DNAJC24: variants seen among roughly 807,000 people sequenced by gnomAD.
DNAJC24 encodes the protein dnaJ homolog subfamily C member 24.
A neutral mutation model predicts 18.0 loss-of-function variants in DNAJC24; 17 were observed. The ratio of observed to expected loss-of-function variants is 0.94; its 90% CI spans 0.65 to 1.42. DNAJC24 has a LOEUF of 1.42. Among genes scored for constraint, DNAJC24 ranks in the 40% most tolerant of loss-of-function variants. The probability of loss-of-function intolerance (pLI) is 0.00; values close to 1 mark genes in which losing one functional copy is unlikely to be tolerated. For synonymous variants in DNAJC24, 55 were observed against 57.7 expected (o/e 0.95, Z 0.21); for missense variants, 158 against 175.6 (o/e 0.90, Z 0.57).
At chr11:31,387,861 A>G (rs1952445068) in intron 2 of DNAJC24, among the ~76,000 whole-genome samples, 1 of 152,204 alleles carries the variant, frequency 6.6e-6, no homozygotes, top group Non-Finnish European at 1.5e-5. Flanking sequence ...AATTTAAGAT[A>G]ACGCAGAGAA....
chr11:31,391,279 C>CT (rs929426040), intron 2 of DNAJC24, among the ~76,000 whole-genome samples: 1 of 152,096 alleles, frequency 6.6e-6, no homozygotes, highest in Non-Finnish European at 1.5e-5. Flanking sequence ...AGGCTTTCCT[C>CT]TAAGATCTGG....
Position 31,430,306 on chromosome 11 carries a change from G to A in DNAJC24, c.355G>A (p.Gly119Arg), listed in dbSNP as rs1437519130. The part of the protein sequence containing the change: ...HSFYLSCRCG[G>R]KYSVSKDEAE... ...TTTTTATCTGAGTTGCAGATGTGGTGGAAAATACAGTGTTTCCAAGGATGA... is the reference window on the plus strand; with the variant it reads ...TTTTTATCTGAGTTGCAGATGTGGTAGAAAATACAGTGTTTCCAAGGATGA... Residue 119 changes from glycine to arginine, a missense_variant, in exon 5 of 5, where the codon GGA becomes AGA. Physicochemically the swap from Gly to Arg is moderately radical, Grantham distance 125 (BLOSUM62 -2). Transcript: ENST00000465995. 2 of 1,610,116 alleles carry A rather than the reference G, an allele frequency of 1.2e-6. No homozygotes were observed. The highest frequency in any genetic ancestry group is 1.1e-5 in the South Asian group (1 of 90,634).
At chr11:31,392,843 T>G (rs1952511076) in intron 2 of DNAJC24, among the ~76,000 whole-genome samples, 2 of 151,832 alleles carry the variant, frequency 1.3e-5, no homozygotes, top group Admixed American at 1.3e-4. Flanking sequence ...CCGACGGGGT[T>G]TCACCATGTC....
chr11:31,399,450 C>T (rs1439063613), intron 2 of DNAJC24, among the ~76,000 whole-genome samples: 11 of 148,876 alleles, frequency 7.4e-5, no homozygotes, highest in African/African-American at 9.9e-5. Flanking sequence ...AGTCTCGCTC[C>T]GTCACCCAGG....
At position 31,391,415 on chromosome 11, in the gene DNAJC24, GA is replaced by G. The variant is rs1231790666; in HGVS notation, c.111+20562del. Among the ~76,000 whole-genome samples, 4 of 152,070 alleles carry G rather than the reference GA, an allele frequency of 2.6e-5. No individual in the cohort carries two copies. In the East Asian group the frequency reaches 7.7e-4, roughly 29 times the overall value. ...ATGTATAAGGAGCTTAAACAATAGG[GA>G]AAAAATGTGATTTTAAAATGGGCAA... On this transcript the variant is annotated intron_variant, in intron 2 of 4. Coordinates refer to ENST00000465995, the MANE Select transcript of DNAJC24 (RefSeq NM_181706.5).
chr11:31,430,141 A>T, intron 4 of DNAJC24, 130 bp from the exon 5 acceptor site: 1 of 773,176 alleles, frequency 1.3e-6, no homozygotes, highest in Non-Finnish European at 1.9e-6. Context: ...TCCTTTAAAT[A>T]CATTTTATCT....
chr11:31,405,298 G>C (rs983272679), intron 2 of DNAJC24, among the ~76,000 whole-genome samples: 2 of 151,606 alleles, frequency 1.3e-5, no homozygotes, highest in Admixed American at 6.6e-5. Flanking sequence ...TCGAACTCCT[G>C]ACCTCAGGTG....
intron 2 of DNAJC24, among the ~76,000 whole-genome samples, chr11:31,405,782 T>A (rs989763282): frequency 1.3e-5 from 2 of 152,072 alleles, no homozygotes; most frequent in African/African-American, 2.4e-5. Flanking sequence ...TGAAAAAAAA[T>A]TTATTGGCTC....
At chr11:31,389,729 G>A (rs1487239282) in intron 2 of DNAJC24, among the ~76,000 whole-genome samples, 3 of 152,180 alleles carry the variant, frequency 2.0e-5, no homozygotes, top group Non-Finnish European at 4.4e-5. Flanking sequence ...ATCAGCACAT[G>A]TATCATTCTC....
At chr11:31,405,300 C>T (rs1952646180) in intron 2 of DNAJC24, among the ~76,000 whole-genome samples, 1 of 151,684 alleles carries the variant, frequency 6.6e-6, no homozygotes, top group African/African-American at 2.4e-5. Flanking sequence ...GAACTCCTGA[C>T]CTCAGGTGAT....
rs186413314 is a variant in DNAJC24 at position 31,386,890 on chromosome 11, C to T, written c.111+16031C>T. On this transcript the variant is annotated intron_variant, in intron 2 of 4. Coordinates refer to ENST00000465995, the MANE Select transcript of DNAJC24 (RefSeq NM_181706.5). ...CTGCCCTGAAGGGAGAGACCCCGGG[C>T]TGGCAGCATTCACCCCAAGCTGACT... Among the ~76,000 whole-genome samples the T allele has an allele frequency of 5.2e-3, 798 of 152,180 alleles. 2 individuals are homozygous for T. Among genetic ancestry groups the T allele is most frequent in the Non-Finnish European group, 9.0e-3 (614 of 68,000 alleles).
chr11:31,406,449 G>A (rs73465091), intron 2 of DNAJC24, among the ~76,000 whole-genome samples: 2,300 of 152,286 alleles, frequency 0.015, 59 homozygotes, highest in African/African-American at 0.05. Context: ...ATACTTGTGC[G>A]AAGAGGCACT....
chr11:31,397,681 G>A (rs1306398875), intron 2 of DNAJC24, among the ~76,000 whole-genome samples: 4 of 152,154 alleles, frequency 2.6e-5, no homozygotes, highest in Admixed American at 6.5e-5. Context: ...ACTATATTCA[G>A]ATTCATTAGA....
At chr11:31,410,886 A>G (rs34155779) in intron 2 of DNAJC24, among the ~76,000 whole-genome samples, 30 of 152,220 alleles carry the variant, frequency 2.0e-4, no homozygotes, top group African/African-American at 7.2e-4. Flanking sequence ...TGAAATTTTG[A>G]TAGGGATTGT....
intron 2 of DNAJC24, among the ~76,000 whole-genome samples, chr11:31,391,651 G>A (rs1952497643): frequency 6.6e-6 from 1 of 152,192 alleles, no homozygotes; most frequent in South Asian, 2.1e-4. Context: ...GTACACAGTT[G>A]ATGGGAATTA....
At chr11:31,424,652 G>A (rs1381292500) in intron 3 of DNAJC24, among the ~76,000 whole-genome samples, 1 of 152,056 alleles carries the variant, frequency 6.6e-6, no homozygotes, top group Non-Finnish European at 1.5e-5. Context: ...TGACCACTAG[G>A]CAAAATCCTT....
chr11:31,405,107 C>G (rs1270165757), intron 2 of DNAJC24, among the ~76,000 whole-genome samples: 1 of 141,958 alleles, frequency 7.0e-6, no homozygotes, highest in Non-Finnish European at 1.5e-5. Flanking sequence ...AGTCTCCACT[C>G]TGTTGCTCAG....
At position 31,429,340 on chromosome 11, in the gene DNAJC24, G is replaced by A. The variant is rs113355857; in HGVS notation, c.320-931G>A. ...AATTTTTCTTTTTTAAACTACATAT[G>A]ATGCGATCTAAGTATTAATCAAATT... On this transcript the variant is annotated intron_variant, in intron 4 of 4. Transcript: ENST00000465995. The A allele has an allele frequency of 7.5e-3, 1,578 of 211,304 alleles. 26 individuals carry two copies. The highest frequency in any genetic ancestry group is 0.032 in the African/African-American group (1,397 of 44,036). The allele number at this position is 211,304 out of a possible 1,614,324, so 13.1% of individuals were successfully genotyped here. A position where few individuals can be genotyped will look rare whatever the true frequency, so the allele number is the denominator to read the frequency against.
chr11:31,399,691 C>T (rs1193948936), intron 2 of DNAJC24, among the ~76,000 whole-genome samples: 2 of 142,372 alleles, frequency 1.4e-5, no homozygotes, highest in African/African-American at 5.1e-5. Context: ...GGGTTACAGG[C>T]GTGAGCCACC....
Sources: gnomAD v4.1 joint callset for allele counts (sites outside exome capture counted in the v4.1 genomes callset) on GRCh38, gnomAD v4.1.1 for gene constraint, MANE v1.5 for transcripts, NCBI Gene and HGNC (gene_info 2026-07-23, HGNC 2026-07-21) for gene names.